Variants in PPFIBP2 observed in about 807,000 individuals in gnomAD.
The protein encoded by PPFIBP2 is liprin-beta-2.
Under a neutral mutation model 118.3 loss-of-function variants are expected in PPFIBP2, and 118 were observed. The ratio of observed to expected loss-of-function variants is 1.00; its 90% CI spans 0.86 to 1.16. PPFIBP2 has a LOEUF of 1.16. Ranked by LOEUF, PPFIBP2 falls within the 50% of genes most tolerant of loss-of-function variation. The probability of loss-of-function intolerance (pLI) is 0.00; values close to 1 mark genes in which losing one functional copy is unlikely to be tolerated. For synonymous variants in PPFIBP2, 414 were observed against 397.4 expected (o/e 1.04, Z -0.50); for missense variants, 1,195 against 1,073.1 (o/e 1.11, Z -1.59).
chr11:7,642,572 C>T (rs898263629), intron 17 of PPFIBP2, 146 bp downstream of exon 17: 25 of 890,022 alleles, frequency 2.8e-5, no homozygotes, highest in Middle Eastern at 2.6e-4. Context: ...CCCTACAGTA[C>T]GTCATTTCCA....
chr11:7,576,145 T>C (rs1206116365), intron 3 of PPFIBP2, among the ~76,000 whole-genome samples: 1 of 152,192 alleles, frequency 6.6e-6, no homozygotes, highest in Non-Finnish European at 1.5e-5. Context: ...AGGACTGCTC[T>C]TCAGACTGGG....
At chr11:7,532,590 C>T (rs1357267437) in intron 1 of PPFIBP2, among the ~76,000 whole-genome samples, 1 of 152,228 alleles carries the variant, frequency 6.6e-6, no homozygotes, top group Non-Finnish European at 1.5e-5. Flanking sequence ...TCTCTGGCAG[C>T]AGTAGTTTCT....
chr11:7,585,850 A>G (rs1358073714), intron 3 of PPFIBP2, among the ~76,000 whole-genome samples: 1 of 152,236 alleles, frequency 6.6e-6, no homozygotes, highest in African/African-American at 2.4e-5. Flanking sequence ...ATTTGAACTA[A>G]CCTCTAGATT....
intron 2 of PPFIBP2, among the ~76,000 whole-genome samples, chr11:7,554,229 G>GT (rs139790636): frequency 0.049 from 7,518 of 152,176 alleles, 235 homozygotes; most frequent in African/African-American, 0.1. Flanking sequence ...CAGTTACCAC[G>GT]TATTTCAACG....
chr11:7,610,621 G>GT (rs1373749891), intron 6 of PPFIBP2, 199 bp downstream of exon 6: 1 of 654,104 alleles, frequency 1.5e-6, no homozygotes, highest in Admixed American at 3.1e-5. Flanking sequence ...AAACCAGCCA[G>GT]TTTTGGCTCT....
chr11:7,587,027 T>G (rs1206224782), intron 3 of PPFIBP2, among the ~76,000 whole-genome samples: 2 of 152,364 alleles, frequency 1.3e-5, no homozygotes. Flanking sequence ...TTGAACTTAC[T>G]TTTTCATATC....
At chr11:7,654,115 C>T (rs1334864217), downstream of PPFIBP2, among the ~76,000 whole-genome samples, 2 of 152,160 alleles carry the variant, frequency 1.3e-5, no homozygotes, top group African/African-American at 4.8e-5. Flanking sequence ...CAAGAAGGCA[C>T]CTTGCTGGAA....
chr11:7,581,142 A>T (rs904551284), intron 3 of PPFIBP2, among the ~76,000 whole-genome samples: 3 of 152,246 alleles, frequency 2.0e-5, no homozygotes, highest in African/African-American at 7.2e-5. Context: ...CCTAACAGAC[A>T]AAGCCTAGGG....
chr11:7,625,512 G>A (rs1354620465), intron 7 of PPFIBP2, among the ~76,000 whole-genome samples: 2 of 152,240 alleles, frequency 1.3e-5, no homozygotes, highest in East Asian at 3.9e-4. Context: ...GTGCAGGGGA[G>A]AGAAACTGGT....
At chr11:7,631,938 C>T (rs112337989) in intron 11 of PPFIBP2, among the ~76,000 whole-genome samples, 82 of 152,240 alleles carry the variant, frequency 5.4e-4, no homozygotes, top group African/African-American at 1.9e-3. Context: ...ATAATGCCAG[C>T]GTTGTTGTTA....
the PPFIBP2 span, among the ~76,000 whole-genome samples, chr11:7,664,945 C>A: frequency 2.6e-5 from 4 of 152,096 alleles, no homozygotes; most frequent in Non-Finnish European, 5.9e-5. Context: ...TGGAGAGATT[C>A]TTGAGAGTTG....
At position 7,616,565 on chromosome 11, in the gene PPFIBP2, A is replaced by C. The variant is rs576632957; in HGVS notation, c.619-4370A>C. Among the ~76,000 whole-genome samples, 2 of 152,214 alleles carry C rather than the reference A, an allele frequency of 1.3e-5. No individual in the cohort carries two copies. Among genetic ancestry groups the C allele is most frequent in the Non-Finnish European group, 2.9e-5 (2 of 68,032 alleles). On this transcript the variant is annotated intron_variant, in intron 6 of 23. Coordinates refer to ENST00000299492, the MANE Select transcript of PPFIBP2 (RefSeq NM_003621.5). The surrounding 1 kb of genome is among the most constrained non-coding windows in gnomAD (Gnocchi z 5.2). Reference sequence around the variant, plus strand: ...TGTTGCAAAAACGTTGCTTGAGATAATCTTGTAGACAGGATGGAGGAATAG... The same window carrying C: ...TGTTGCAAAAACGTTGCTTGAGATACTCTTGTAGACAGGATGGAGGAATAG...
chr11:7,666,187 G>A, the PPFIBP2 span: 4 of 596,078 alleles, frequency 6.7e-6, no homozygotes, highest in South Asian at 6.1e-5. Context: ...CAGTGGACAG[G>A]GGCAGTGTCC....
At chr11:7,518,103 A>C (rs1054987654) in intron 1 of PPFIBP2, among the ~76,000 whole-genome samples, 1 of 152,222 alleles carries the variant, frequency 6.6e-6, no homozygotes, top group African/African-American at 2.4e-5. Flanking sequence ...GGAGGCAGGC[A>C]TTTGAAACTC....
In PPFIBP2 at chr11:7,649,185, CA is replaced by C. The variant is rs766843381; in HGVS notation, c.1949del (p.Gln650ArgfsTer15). 3 of 1,614,088 alleles carry C rather than the reference CA, an allele frequency of 1.9e-6. No individual in the cohort carries two copies. The highest frequency in any genetic ancestry group is 1.1e-5 in the South Asian group (1 of 91,072). ...DDIGLPQYKD[Q>X]FHESRVDRRM... is the part of the protein sequence containing the mutation. ...TATTGGCTTACCCCAGTACAAAGAC[CA>C]GTTTCATGAATCTAGAGTTGACAGA... On this transcript the variant is annotated frameshift_variant, in exon 20 of 24. Transcript: ENST00000299492. LOFTEE classifies it high-confidence loss of function.
At chr11:7,526,746 G>A (rs1850268530) in intron 1 of PPFIBP2, among the ~76,000 whole-genome samples, 1 of 152,090 alleles carries the variant, frequency 6.6e-6, no homozygotes, top group Non-Finnish European at 1.5e-5. Flanking sequence ...CTATGCGGAA[G>A]CTTCTCTATC....
chr11:7,666,851 T>A, the PPFIBP2 span: 5 of 270,550 alleles, frequency 1.8e-5, no homozygotes, highest in Non-Finnish European at 3.6e-5. Context: ...ATGGCTTCAC[T>A]CGGAGCTCCA....
At chr11:7,536,098 T>C (rs1236028207) in intron 1 of PPFIBP2, among the ~76,000 whole-genome samples, 1 of 152,200 alleles carries the variant, frequency 6.6e-6, no homozygotes, top group Non-Finnish European at 1.5e-5. Flanking sequence ...GCAGTTTTAT[T>C]ATTATCCTCA....
the PPFIBP2 span, chr11:7,665,522 A>G: frequency 6.2e-7 from 1 of 1,611,412 alleles, no homozygotes; most frequent in Non-Finnish European, 8.5e-7. Flanking sequence ...GTCGGCAGTA[A>G]CGAAGCCTGA....
Sources: gnomAD v4.1 joint callset for allele counts (sites outside exome capture counted in the v4.1 genomes callset) on GRCh38, gnomAD v4.1.1 for gene constraint, Gnocchi (gnomAD v3.1) non-coding constraint, MANE v1.5 for transcripts, NCBI Gene and HGNC (gene_info 2026-07-23, HGNC 2026-07-21) for gene names.